The following RADIL variants were observed in gnomAD, a reference collection of about 807,000 sequenced individuals.
RADIL encodes the protein Rap associating with DIL domain, also known as ras-associating and dilute domain-containing protein.
In RADIL, 99 loss-of-function variants were observed where a neutral mutation model predicts 97.6. The ratio of observed to expected loss-of-function variants is 1.01; its 90% CI spans 0.86 to 1.20. The LOEUF (loss-of-function observed/expected upper bound fraction) is 1.20. Among genes scored for constraint, RADIL ranks in the 50% most tolerant of loss-of-function variants. RADIL has a pLI of 0.00. For synonymous variants in RADIL, 803 were observed against 691.8 expected, an observed-to-expected ratio of 1.16 and a Z score of -2.52; for missense variants, 1,765 against 1,498.9, an observed-to-expected ratio of 1.18 and a Z score of -2.93.
intron 5 of RADIL, among the ~76,000 whole-genome samples, chr7:4,831,577 CAA>C (rs397889423): frequency 2.4e-3 from 189 of 77,848 alleles, no homozygotes; most frequent in African/African-American, 7.4e-3. Flanking sequence ...TGAAGATTCT[CAA>C]AAAAAAAAAA....
chr7:4,862,481 C>A (rs1422636055), intron 2 of RADIL, among the ~76,000 whole-genome samples: 1 of 152,204 alleles, frequency 6.6e-6, no homozygotes, highest in African/African-American at 2.4e-5. Context: ...CTCTGGTTCC[C>A]GTTGAGAATT....
At chr7:4,806,523 C>T (rs577820963) in intron 9 of RADIL, among the ~76,000 whole-genome samples, 32 of 152,310 alleles carry the variant, frequency 2.1e-4, no homozygotes, top group African/African-American at 4.1e-4. Context: ...AAGCCTACAC[C>T]GTAAGGAAGG....
rs1356192455 is a variant in RADIL, at chr7:4,818,366, T to C, written c.1616-1015A>G. On this transcript the variant is annotated intron_variant, in intron 6 of 14. Transcript: ENST00000399583. This position sits in a 1 kb window ranked among gnomAD's most constrained non-coding sequence, Gnocchi z 7.1. ...GCCAGGACAATGGTGCGCCAAGCCC[T>C]TGGACAAGCCCCTGTCACTTTCGCT... Among the ~76,000 whole-genome samples, 1 of 152,210 alleles carries C rather than the reference T, an allele frequency of 6.6e-6. No individual in the cohort carries two copies. The highest frequency in any genetic ancestry group is 2.4e-5 in the African/African-American group (1 of 41,456).
rs1329173571 is a variant in RADIL, at chr7:4,872,524, G to C, written c.535+5081C>G. ...CCCTCCCCAGTGCATCTAAGTGGCTGCTGTCTTATCTCGGTGACAGGACCC... is the reference window on the plus strand; with the variant it reads ...CCCTCCCCAGTGCATCTAAGTGGCTCCTGTCTTATCTCGGTGACAGGACCC... On this transcript the variant is annotated intron_variant, in intron 2 of 14. Transcript: ENST00000399583. The surrounding 1 kb of genome is among the most constrained non-coding windows in gnomAD (Gnocchi z 5.8). 2.0e-5 allele frequency among the ~76,000 whole-genome samples: 3 copies of C among 152,028 alleles called. No individual in the cohort carries two copies.
At chr7:4,869,318 G>C (rs549510233) in intron 2 of RADIL, among the ~76,000 whole-genome samples, 4 of 152,226 alleles carry the variant, frequency 2.6e-5, no homozygotes, top group African/African-American at 9.6e-5. Flanking sequence ...TTTTTCTGTA[G>C]AGACAGAGTC....
intron 9 of RADIL, among the ~76,000 whole-genome samples, chr7:4,811,479 CTTTTTTTTTTTT>C (rs35136302): frequency 6.8e-5 from 4 of 59,046 alleles, no homozygotes; most frequent in Non-Finnish European, 9.3e-5. Context: ...GGTATTATTT[CTTTTTTTTTTTT>C]TTTTTTTTTT....
At chr7:4,809,389 A>C (rs2115176448) in intron 9 of RADIL, 1 of 985,396 alleles carries the variant, frequency 1.0e-6, no homozygotes, top group Admixed American at 6.1e-5. Context: ...GGGGAGGCGG[A>C]GATCCTGAGT....
At chr7:4,823,694 C>T (rs1274072647) in intron 5 of RADIL, among the ~76,000 whole-genome samples, 2 of 152,222 alleles carry the variant, frequency 1.3e-5, no homozygotes, top group Non-Finnish European at 2.9e-5. Flanking sequence ...CTTCCAAGCT[C>T]AGAGCTCCCA....
Position 4,835,328 on chromosome 7 carries a change from C to A in RADIL, c.784-89G>T. ...GTCTAGTCACTGGTTGCTGAAGCAG[C>A]GTGGCTGGGATGCTGTCGCCACGGG... On this transcript the variant is annotated intron_variant, in intron 3 of 14. Transcript: ENST00000399583. This position sits in a 1 kb window ranked among gnomAD's most constrained non-coding sequence, Gnocchi z 5.8. 1 of 1,508,940 alleles carries A rather than the reference C, an allele frequency of 6.6e-7. No individual in the cohort carries two copies. Among genetic ancestry groups the A allele is most frequent in the Middle Eastern group, 1.8e-4 (1 of 5,468 alleles). 93.5% of individuals were successfully genotyped at this position (1,508,940 alleles called of 1,614,324 possible).
At chr7:4,807,959 CTCTCT>C (rs1413596682) in intron 9 of RADIL, among the ~76,000 whole-genome samples, 48 of 71,900 alleles carry the variant, frequency 6.7e-4, no homozygotes, top group African/African-American at 4.4e-3. Flanking sequence ...CCCTCCCTGT[CTCTCT>C]CCTCTCCCTC....
intron 9 of RADIL, chr7:4,809,633 C>A: frequency 1.0e-6 from 1 of 983,546 alleles, no homozygotes; most frequent in Non-Finnish European, 1.2e-6. Flanking sequence ...TCAACCTGCC[C>A]TTTCAGGAGT....
chr7:4,800,966 T>C (rs73671954), intron 12 of RADIL, among the ~76,000 whole-genome samples: 6,608 of 152,296 alleles, frequency 0.043, 177 homozygotes, highest in Middle Eastern at 0.099. Flanking sequence ...CAGGGCCGGC[T>C]GGGGCTGCCT....
At chr7:4,876,753 C>T (rs953043008) in intron 2 of RADIL, among the ~76,000 whole-genome samples, 4 of 152,336 alleles carry the variant, frequency 2.6e-5, no homozygotes, top group South Asian at 4.1e-4. Context: ...CTCCTCAGAC[C>T]GACAATGATC....
At chr7:4,803,865 T>G in intron 10 of RADIL, 111 bp from the exon 11 acceptor site, 1 of 965,292 alleles carries the variant, frequency 1.0e-6, no homozygotes, top group Non-Finnish European at 1.6e-6. Context: ...GAGCCCTGAG[T>G]CCCCTGCCCT....
rs578030215 is a variant in RADIL at position 4,842,487 on chromosome 7, G to A, written c.536-5882C>T. ...TCGAGAAGGCAGTGCCTAGTGACCC[G>A]CTGCTGGCAGAGAGGGCAGGGCTCT... is the stretch of plus-strand genomic sequence containing the variant. On this transcript the variant is annotated intron_variant, in intron 2 of 14. Coordinates refer to ENST00000399583, the MANE Select transcript of RADIL (RefSeq NM_018059.5). This position sits in a 1 kb window ranked among gnomAD's most constrained non-coding sequence, Gnocchi z 4.5. 1.3e-5 allele frequency among the ~76,000 whole-genome samples: 2 copies of A among 152,138 alleles called. No individual in the cohort carries two copies. The highest frequency in any genetic ancestry group is 2.4e-5 in the African/African-American group (1 of 41,446).
intron 5 of RADIL, among the ~76,000 whole-genome samples, chr7:4,828,463 A>C (rs1783056168): frequency 6.6e-6 from 1 of 152,258 alleles, no homozygotes; most frequent in Non-Finnish European, 1.5e-5. Flanking sequence ...GTCTCAAAAA[A>C]AAGAAAACCT....
At chr7:4,802,021 A>C in intron 11 of RADIL, 26 bp from the exon 12 acceptor site, 6 of 1,465,740 alleles carry the variant, frequency 4.1e-6, no homozygotes, top group Non-Finnish European at 5.4e-6. Context: ...GTGACAGCTC[A>C]GGTAGAGGAG....
chr7:4,859,542 A>G (rs1231560134), intron 2 of RADIL: 1 of 210,958 alleles, frequency 4.7e-6, no homozygotes, highest in Non-Finnish European at 9.6e-6. Flanking sequence ...AAAGGAAGTT[A>G]CCAAATGAGC....
In RADIL at chr7:4,836,364, C is replaced by A. The variant is rs372846157; in HGVS notation, c.777G>T (p.Gln259His). Residue 259 changes from glutamine to histidine, a missense_variant, in exon 3 of 15, where the codon CAG becomes CAT. Transcript: ENST00000399583. ...PHLLLLQGYS[Q>H]QHDSLVYVLN... ...GTCAGGAGGGGAGGCTCACGTGCTG[C>A]TGGCTGTAGCCCTGCAGAAGGAGCA... 5 of 1,572,038 alleles carry A rather than the reference C, an allele frequency of 3.2e-6. No individual in the cohort carries two copies. The highest frequency in any genetic ancestry group is 3.5e-6 in the Non-Finnish European group (4 of 1,158,492).
Sources: allele counts gnomAD v4.1 joint callset (sites outside exome capture counted in the v4.1 genomes callset), GRCh38; gene constraint gnomAD v4.1.1; non-coding constraint Gnocchi (gnomAD v3.1); transcripts MANE v1.5; gene names NCBI Gene and HGNC (gene_info 2026-07-23, HGNC 2026-07-21).